ARL15: variants seen among roughly 807,000 people sequenced by gnomAD.
ARL15 encodes the protein ADP-ribosylation factor-like protein 15.
A neutral mutation model predicts 25.2 loss-of-function variants in ARL15; 19 were observed. That is an observed-to-expected ratio of 0.75 (90% confidence interval 0.53 to 1.10). ARL15 has a LOEUF of 1.10. ARL15 is among the 50% of genes least tolerant of loss of function. The pLI is 0.00. For synonymous variants in ARL15, 94 were observed against 86.8 expected, an observed-to-expected ratio of 1.08 and a Z score of -0.46; for missense variants, 220 against 246.0, an observed-to-expected ratio of 0.89 and a Z score of 0.71.
intron 4 of ARL15, among the ~76,000 whole-genome samples, chr5:54,098,929 TTTAAATC>T (rs1752360696): frequency 2.6e-5 from 4 of 152,204 alleles, no homozygotes; most frequent in Non-Finnish European, 5.9e-5. Context: ...GAAGATTCTA[TTTAAATC>T]TGAGAGTAAG....
At chr5:54,221,153 C>T (rs1252862509) in intron 1 of ARL15, among the ~76,000 whole-genome samples, 1 of 152,104 alleles carries the variant, frequency 6.6e-6, no homozygotes, top group African/African-American at 2.4e-5. Context: ...AATTTTCTTG[C>T]TAGTTAAGAA....
At chr5:54,116,914 T>C (rs1340952884) in intron 3 of ARL15, among the ~76,000 whole-genome samples, 2 of 152,094 alleles carry the variant, frequency 1.3e-5, no homozygotes, top group African/African-American at 2.4e-5. Flanking sequence ...CCACATAAGC[T>C]AGGAGAAAAG....
chr5:54,227,969 G>A (rs1756570909), intron 1 of ARL15, among the ~76,000 whole-genome samples: 1 of 152,044 alleles, frequency 6.6e-6, no homozygotes, highest in Admixed American at 6.6e-5. Context: ...TAAGAGGATG[G>A]GTTGGAAAAA....
At chr5:53,910,633 T>TTATA (rs70986649) in intron 4 of ARL15, among the ~76,000 whole-genome samples, 4,768 of 54,222 alleles carry the variant, frequency 0.088, 198 homozygotes, top group African/African-American at 0.11. Context: ...TAAAAAAAAA[T>TTATA]TATATATATA....
intron 1 of ARL15, among the ~76,000 whole-genome samples, chr5:54,276,953 C>A (rs2112658903): frequency 6.6e-6 from 1 of 152,256 alleles, no homozygotes; most frequent in Non-Finnish European, 1.5e-5. Flanking sequence ...GCCAGTGAAA[C>A]CCACTTCAGG....
intron 4 of ARL15, among the ~76,000 whole-genome samples, chr5:53,948,331 T>C (rs1441291929): frequency 6.6e-6 from 1 of 152,236 alleles, no homozygotes; most frequent in East Asian, 1.9e-4. Flanking sequence ...GTAAAAACAG[T>C]GTTTTATGGT....
intron 4 of ARL15, among the ~76,000 whole-genome samples, chr5:53,912,717 A>T (rs1745504844): frequency 6.6e-6 from 1 of 152,222 alleles, no homozygotes; most frequent in Non-Finnish European, 1.5e-5. Flanking sequence ...AAGAGACTAA[A>T]GATTGCTAGA....
At chr5:53,967,572 G>A (rs1240148391) in intron 4 of ARL15, among the ~76,000 whole-genome samples, 2 of 151,802 alleles carry the variant, frequency 1.3e-5, no homozygotes, top group Non-Finnish European at 2.9e-5. Flanking sequence ...AATAAGAAGA[G>A]TAGGTAGAAA....
chr5:53,975,852 G>A (rs1342301507), intron 4 of ARL15, among the ~76,000 whole-genome samples: 1 of 152,142 alleles, frequency 6.6e-6, no homozygotes, highest in African/African-American at 2.4e-5. Context: ...CTTGGCCAGG[G>A]TCCCTGGCTC....
At chr5:53,959,658 A>G (rs1419567093) in intron 4 of ARL15, among the ~76,000 whole-genome samples, 2 of 151,836 alleles carry the variant, frequency 1.3e-5, no homozygotes, top group Non-Finnish European at 2.9e-5. Context: ...GGACCTATGG[A>G]CTTATTATTC....
chr5:53,890,372 A>G (rs1744673198), intron 4 of ARL15, among the ~76,000 whole-genome samples: 1 of 152,206 alleles, frequency 6.6e-6, no homozygotes, highest in South Asian at 2.1e-4. Context: ...TATGATGGAC[A>G]TACAATTTTT....
At chr5:54,206,185 A>C (rs1755863810) in intron 1 of ARL15, among the ~76,000 whole-genome samples, 1 of 152,168 alleles carries the variant, frequency 6.6e-6, no homozygotes, top group Non-Finnish European at 1.5e-5. Context: ...AAGGGGGTAA[A>C]AAACTAATCC....
At chr5:53,978,106 G>A (rs373733078) in intron 4 of ARL15, among the ~76,000 whole-genome samples, 7 of 152,112 alleles carry the variant, frequency 4.6e-5, no homozygotes, top group African/African-American at 1.7e-4. Context: ...TCAATGTAAA[G>A]AAAGGGGGAA....
chr5:54,235,495 C>A (rs1579937442), intron 1 of ARL15, among the ~76,000 whole-genome samples: 1 of 145,710 alleles, frequency 6.9e-6, no homozygotes, highest in South Asian at 2.2e-4. Flanking sequence ...ATAGTTAAAC[C>A]TTTTTTTTTT....
intron 4 of ARL15, among the ~76,000 whole-genome samples, chr5:53,990,311 A>G (rs1748442578): frequency 6.6e-6 from 1 of 152,208 alleles, no homozygotes; most frequent in Non-Finnish European, 1.5e-5. Context: ...TTGTTACATA[A>G]AAGAATGCTC....
chr5:54,028,384 A>G (rs1023343578), intron 4 of ARL15, among the ~76,000 whole-genome samples: 12 of 152,088 alleles, frequency 7.9e-5, no homozygotes, highest in Non-Finnish European at 1.6e-4. Context: ...TCCCATAACA[A>G]CCTCAGAGCC....
At chr5:54,122,912 G>A (rs1226590070) in intron 3 of ARL15, among the ~76,000 whole-genome samples, 3 of 152,054 alleles carry the variant, frequency 2.0e-5, no homozygotes, top group Non-Finnish European at 4.4e-5. Flanking sequence ...ATTCTCATTT[G>A]TGCTGTTCAT....
intron 4 of ARL15, among the ~76,000 whole-genome samples, chr5:53,925,397 A>G (rs551950164): frequency 7.7e-4 from 117 of 152,128 alleles, no homozygotes; most frequent in African/African-American, 2.7e-3. Flanking sequence ...GGGTTTTGCT[A>G]TGTTGCTCAA....
chr5:54,200,316 A>G (rs1360366589), intron 1 of ARL15, among the ~76,000 whole-genome samples: 1 of 151,302 alleles, frequency 6.6e-6, no homozygotes, highest in African/African-American at 2.4e-5. Flanking sequence ...AAAGAGAAAA[A>G]AAAGAAAAAA....
Sources: gnomAD v4.1 joint callset for allele counts (sites outside exome capture counted in the v4.1 genomes callset) on GRCh38, gnomAD v4.1.1 for gene constraint, MANE v1.5 for transcripts, NCBI Gene and HGNC (gene_info 2026-07-23, HGNC 2026-07-21) for gene names.